Variants in FOXP1 observed in about 807,000 individuals in gnomAD.
The protein encoded by FOXP1 is forkhead box P1.
Under a neutral mutation model 98.2 loss-of-function variants are expected in FOXP1, and 15 were observed. The observed-to-expected ratio is 0.15, with a 90% confidence interval of 0.10 to 0.24. The LOEUF is 0.24. Ranked by LOEUF, FOXP1 falls within the 10% of genes least tolerant of loss-of-function variation. The pLI is 1.00. For synonymous variants in FOXP1, 371 were observed against 314.5 expected, an observed-to-expected ratio of 1.18 and a Z score of -1.90; for missense variants, 633 against 848.5, an observed-to-expected ratio of 0.75 and a Z score of 3.15.
intron 6 of FOXP1, among the ~76,000 whole-genome samples, chr3:71,145,715 C>T (rs979973226): frequency 2.7e-4 from 41 of 152,252 alleles, no homozygotes; most frequent in Admixed American, 2.1e-3. Flanking sequence ...ATAGTGGTAT[C>T]GCATCCTATT....
At chr3:71,249,133 A>T (rs2067990336) in intron 5 of FOXP1, among the ~76,000 whole-genome samples, 1 of 152,266 alleles carries the variant, frequency 6.6e-6, no homozygotes, top group Non-Finnish European at 1.5e-5. Flanking sequence ...AGTCATGTGG[A>T]TGCCAGAGGC....
rs147334954 is a variant in FOXP1, at chr3:71,440,681, G to A, written c.-168+52745C>T. On this transcript the variant is annotated intron_variant, in intron 3 of 20. Transcript: ENST00000649528. Reference sequence around the variant, plus strand: ...ACTGCACTCCAGCCTGGGTGACAGAGCAAGACTCTGTCTCAAAAAAAAAAA... The same window carrying A: ...ACTGCACTCCAGCCTGGGTGACAGAACAAGACTCTGTCTCAAAAAAAAAAA... 4.6e-3 allele frequency among the ~76,000 whole-genome samples: 682 copies of A among 148,512 alleles called. 21 individuals are homozygous for A. The South Asian group carries it at 0.073, about 16-fold the overall frequency.
At position 70,957,566 on chromosome 3, in the gene FOXP1, G is replaced by A. The variant is rs955376055; in HGVS notation, c.*1681C>T. On this transcript the variant is annotated 3_prime_UTR_variant, in exon 21 of 21. Transcript: ENST00000649528. ...AAAGAATATAAATTAAGCTTCGAAA[G>A]GCTCTCGAACTAAAAAAAACTACAG... 2.6e-5 allele frequency: 6 copies of A among 232,212 alleles called. No homozygotes were observed. The highest frequency in any genetic ancestry group is 1.3e-4 in the African/African-American group (6 of 45,238). The allele number at this position is 232,212 out of a possible 1,614,324, so 14.4% of individuals were successfully genotyped here. A position where few individuals can be genotyped will look rare whatever the true frequency, so the allele number is the denominator to read the frequency against.
At chr3:71,070,489 T>C (rs1046191406) in intron 7 of FOXP1, among the ~76,000 whole-genome samples, 1 of 152,234 alleles carries the variant, frequency 6.6e-6, no homozygotes, top group Non-Finnish European at 1.5e-5. Flanking sequence ...TCGAGTTTTC[T>C]TCTGGCATTC....
chr3:71,429,745 CTCG>C (rs1337305101), intron 3 of FOXP1, among the ~76,000 whole-genome samples: 1 of 152,142 alleles, frequency 6.6e-6, no homozygotes, highest in African/African-American at 2.4e-5. Context: ...TTCCGAGGAA[CTCG>C]TCTTCAAGAA....
At chr3:70,996,508 CAGT>C (rs2041385832) in intron 13 of FOXP1, among the ~76,000 whole-genome samples, 1 of 152,172 alleles carries the variant, frequency 6.6e-6, no homozygotes, top group Non-Finnish European at 1.5e-5. Context: ...CTATGGCTAA[CAGT>C]AGTTATTTTG....
intron 4 of FOXP1, among the ~76,000 whole-genome samples, chr3:71,322,064 G>C (rs1287793198): frequency 6.6e-6 from 1 of 152,176 alleles, no homozygotes; most frequent in African/African-American, 2.4e-5. Flanking sequence ...ATTTTTATTT[G>C]TATATGTGTA....
chr3:71,124,489 A>G (rs951500848), intron 6 of FOXP1, among the ~76,000 whole-genome samples: 7 of 152,052 alleles, frequency 4.6e-5, no homozygotes, highest in Non-Finnish European at 1.0e-4. Context: ...TACCTACTCC[A>G]AAATATTTGT....
At chr3:70,986,104 G>C (rs1184068633) in intron 14 of FOXP1, among the ~76,000 whole-genome samples, 4 of 152,128 alleles carry the variant, frequency 2.6e-5, no homozygotes, top group African/African-American at 9.7e-5. Flanking sequence ...CAATTTTCTA[G>C]AAAGTAAAAC....
intron 2 of FOXP1, among the ~76,000 whole-genome samples, chr3:71,569,335 T>A (rs2047154495): frequency 6.6e-6 from 1 of 152,176 alleles, no homozygotes. Context: ...AGCACACATA[T>A]CCACAGAAAA....
intron 2 of FOXP1, among the ~76,000 whole-genome samples, chr3:71,512,384 C>A (rs1462588069): frequency 1.3e-5 from 2 of 152,114 alleles, no homozygotes; most frequent in Admixed American, 6.5e-5. Context: ...AGAGCCATAT[C>A]CCACCTCTCT....
chr3:71,563,950 A>G (rs1283088158), intron 2 of FOXP1, among the ~76,000 whole-genome samples: 1 of 152,266 alleles, frequency 6.6e-6, no homozygotes, highest in Non-Finnish European at 1.5e-5. Context: ...GAATACCCAC[A>G]GTATGCCAGA....
intron 6 of FOXP1, among the ~76,000 whole-genome samples, chr3:71,174,176 A>AT (rs371457360): frequency 1.4e-4 from 22 of 152,174 alleles, no homozygotes; most frequent in Admixed American, 1.4e-3. Context: ...GCCAAAAACA[A>AT]TTTTTTTACT....
At chr3:71,118,437 C>T (rs556243165) in intron 6 of FOXP1, among the ~76,000 whole-genome samples, 2 of 152,268 alleles carry the variant, frequency 1.3e-5, no homozygotes, top group Admixed American at 6.5e-5. Context: ...ACATGTCTAC[C>T]ATATTTTAAG....
intron 2 of FOXP1, among the ~76,000 whole-genome samples, chr3:71,549,049 G>A (rs147358829): frequency 2.1e-3 from 326 of 152,278 alleles, no homozygotes; most frequent in African/African-American, 7.4e-3. Context: ...TGCCTCAAAG[G>A]TGTATTAACC....
At chr3:71,346,964 T>C (rs1208386188) in intron 4 of FOXP1, among the ~76,000 whole-genome samples, 1 of 151,998 alleles carries the variant, frequency 6.6e-6, no homozygotes, top group Non-Finnish European at 1.5e-5. Flanking sequence ...ACCCGGGACA[T>C]GGAGGTTGCA....
chr3:71,199,270 A>G (rs988541384), intron 5 of FOXP1, among the ~76,000 whole-genome samples: 1 of 151,852 alleles, frequency 6.6e-6, no homozygotes, highest in East Asian at 2.0e-4. Flanking sequence ...AGGCCCAGCT[A>G]ATTTTTGTAT....
At chr3:71,369,186 G>C (rs1414913058) in intron 3 of FOXP1, among the ~76,000 whole-genome samples, 4 of 151,902 alleles carry the variant, frequency 2.6e-5, no homozygotes, top group Admixed American at 2.0e-4. Context: ...TCAGGCGTTC[G>C]AGACCAGCCT....
chr3:71,080,654 CACA>C (rs1216445487), intron 7 of FOXP1, among the ~76,000 whole-genome samples: 3 of 152,208 alleles, frequency 2.0e-5, no homozygotes, highest in Non-Finnish European at 2.9e-5. Flanking sequence ...ACTGCTTTGA[CACA>C]TCCTACCACA....
Sources: allele counts gnomAD v4.1 joint callset (sites outside exome capture counted in the v4.1 genomes callset), GRCh38; gene constraint gnomAD v4.1.1; transcripts MANE v1.5; gene names NCBI Gene and HGNC (gene_info 2026-07-23, HGNC 2026-07-21).